Variants in PIWIL3 observed in about 807,000 individuals in gnomAD.
The protein encoded by PIWIL3 is piwi like RNA-mediated gene silencing 3.
PIWIL3 carries 101 observed loss-of-function variants against 109.7 expected under a neutral mutation model. The observed-to-expected ratio is 0.92, with a 90% CI of 0.78 to 1.09. The LOEUF (loss-of-function observed/expected upper bound fraction) is 1.09. Among genes scored for constraint, PIWIL3 ranks in the 50% least tolerant of loss-of-function variants. The pLI, the probability that PIWIL3 is intolerant of heterozygous loss-of-function variation, is 0.00. For synonymous variants in PIWIL3, 373 were observed against 376.4 expected (o/e 0.99, Z 0.10); for missense variants, 1,031 against 1,072.6 (o/e 0.96, Z 0.54).
intron 12 of PIWIL3, 129 bp downstream of exon 12, chr22:24,748,778 A>G: frequency 1.5e-6 from 1 of 673,246 alleles, no homozygotes; most frequent in Non-Finnish European, 2.5e-6. Flanking sequence ...TATTGGCTCA[A>G]TATAGAAAGA....
chr22:24,728,093 G>A (rs1264717775), intron 15 of PIWIL3, 40 bp from the exon 16 acceptor site: 1 of 1,607,614 alleles, frequency 6.2e-7, no homozygotes, highest in Non-Finnish European at 8.5e-7. Context: ...GTTAGAACGT[G>A]AGCAAAATTT....
At chr22:24,758,423 C>T (rs1342862438) in intron 3 of PIWIL3, among the ~76,000 whole-genome samples, 2 of 152,220 alleles carry the variant, frequency 1.3e-5, no homozygotes, top group Admixed American at 1.3e-4. Context: ...ATAAAACTGG[C>T]TTTTAATACA....
chr22:24,751,427 G>C lies in PIWIL3; in HGVS notation c.1049C>G (p.Ser350Ter). 1 of 1,613,962 alleles carries C rather than the reference G, an allele frequency of 6.2e-7. No homozygotes were observed. The highest frequency in any genetic ancestry group is 1.1e-5 in the South Asian group (1 of 91,062). ...KQNPEDTFNK[S>*]DGSKITYIDY... ...TATATAGGTGATTTTGCTGCCATCT[G>C]ATTTGTTAAATGTGTCTTCAGGATT... The change falls in exon 9 of 21, where the codon TCA (serine) becomes TGA (stop). Residue 350 changes from serine (S) to a stop codon, truncating the protein, a stop_gained. Coordinates refer to ENST00000616349, the MANE Select transcript of PIWIL3 (RefSeq NM_001255975.1). LOFTEE classifies it high-confidence loss of function.
At chr22:24,757,380 G>A (rs1425175742) in intron 4 of PIWIL3, among the ~76,000 whole-genome samples, 1 of 152,182 alleles carries the variant, frequency 6.6e-6, no homozygotes, top group Non-Finnish European at 1.5e-5. Flanking sequence ...GGGAGGCCCA[G>A]GTGGGAGGAT....
intron 1 of PIWIL3, among the ~76,000 whole-genome samples, chr22:24,773,907 G>A (rs918372605): frequency 7.2e-5 from 11 of 151,892 alleles, no homozygotes; most frequent in African/African-American, 2.7e-4. Context: ...TAGAGACGGG[G>A]TTTCACCATC....
At chr22:24,723,748 C>G (rs1174714283) in intron 18 of PIWIL3, among the ~76,000 whole-genome samples, 1 of 150,888 alleles carries the variant, frequency 6.6e-6, no homozygotes, top group Admixed American at 6.6e-5. Context: ...GATCTCGGCT[C>G]ACTGCAACCT....
In PIWIL3 at chr22:24,749,781, A is replaced by C. The variant is rs1260331820; in HGVS notation, c.1128T>G (p.Leu376=). The C allele has an allele frequency of 6.2e-7, 1 of 1,613,964 alleles. No homozygotes were observed. The highest frequency in any genetic ancestry group is 1.7e-5 in the Admixed American group (1 of 59,998). ...TTTTCCATCTGCCCTGGCTGACCAAAAGTGGCTGTTTCTTCACTGTGACAA... is the reference window on the plus strand; with the variant it reads ...TTTTCCATCTGCCCTGGCTGACCAACAGTGGCTGTTTCTTCACTGTGACAA... ...KEIVTVKKQP[L]LVSQGRWKKG... is the part of the protein sequence containing the mutation. The change falls in exon 10 of 21, where the codon CTT becomes CTG. Residue 376 remains leucine (L), a synonymous_variant. Transcript: ENST00000616349.
At chr22:24,768,342 C>T (rs1385654408) in intron 1 of PIWIL3, among the ~76,000 whole-genome samples, 12 of 151,904 alleles carry the variant, frequency 7.9e-5, no homozygotes. Context: ...GCAACCTCCA[C>T]CTCCCAAGTT....
At chr22:24,725,411 G>C in intron 17 of PIWIL3, 34 bp downstream of exon 17, 1 of 1,606,504 alleles carries the variant, frequency 6.2e-7, no homozygotes, top group South Asian at 1.1e-5. Context: ...TACTTGTATA[G>C]TGTCGGGTTC....
At position 24,719,592 on chromosome 22, in the gene PIWIL3, T is replaced by C; in HGVS notation, c.2506-4A>G. On this transcript the variant is annotated splice_polypyrimidine_tract_variant and splice_region_variant and intron_variant, in intron 20 of 20. Coordinates refer to ENST00000616349, the MANE Select transcript of PIWIL3 (RefSeq NM_001255975.1). ...GCGCTGGAACTCGGATGATGCCCTTTAGTAGGAAAAGAAAATACACAACTA... is the reference window on the plus strand; with the variant it reads ...GCGCTGGAACTCGGATGATGCCCTTCAGTAGGAAAAGAAAATACACAACTA... The C allele has an allele frequency of 1.9e-6, 3 of 1,577,684 alleles. No homozygotes were observed. The highest frequency in any genetic ancestry group is 2.6e-6 in the Non-Finnish European group (3 of 1,165,696).
chr22:24,721,076 TAC>T (rs1350591870), intron 19 of PIWIL3, among the ~76,000 whole-genome samples: 2 of 152,222 alleles, frequency 1.3e-5, no homozygotes, highest in Non-Finnish European at 2.9e-5. Flanking sequence ...CTTCCTGAAA[TAC>T]AGTCTTTTTG....
rs779637011 is a variant in PIWIL3, at chr22:24,749,699, T to C, written c.1210A>G (p.Met404Val). 25 of 1,614,060 alleles carry C rather than the reference T, an allele frequency of 1.5e-5. No homozygotes were observed. In the South Asian group the frequency reaches 2.7e-4, roughly 18 times the overall value. The change falls in exon 10 of 21, where the codon ATG (methionine) becomes GTG (valine). Residue 404 changes from methionine (M) to valine (V), a missense_variant. Transcript: ENST00000616349. ...GGCTGTAATCCATCAGTACCTGTCATGTGGCACAGCTGAGGAATCAGCAGG... is the reference window on the plus strand; with the variant it reads ...GGCTGTAATCCATCAGTACCTGTCACGTGGCACAGCTGAGGAATCAGCAGG... ...PILLIPQLCH[M>V]TGLTDEICKD...
chr22:24,722,246 C>A lies in PIWIL3; in HGVS notation c.2357+884G>T, dbSNP rs190897066. Among the ~76,000 whole-genome samples the A allele has an allele frequency of 4.3e-3, 658 of 152,222 alleles. 2 individuals are homozygous for A. The highest frequency in any genetic ancestry group is 7.0e-3 in the Non-Finnish European group (473 of 68,004). On this transcript the variant is annotated intron_variant, in intron 19 of 20. Coordinates refer to ENST00000616349, the MANE Select transcript of PIWIL3 (RefSeq NM_001255975.1). The stretch of plus-strand genomic sequence containing the variant: ...TACAGGTGCCCGCCACCATGCCCGG[C>A]TAATTTTTTGTATTTTTAGTGGAGA...
Position 24,724,928 on chromosome 22 carries a change from C to G in PIWIL3, c.2190G>C (p.Ala730=). The part of the protein sequence containing the change: ...GQLQALLDHE[A]KKMSTYLKTI... ...TTTTTAAGTAGGTCGACATCTTTTT[C>G]GCTTCATGGTCAAGCAATGCTTGAA... is the stretch of plus-strand genomic sequence containing the variant. The change falls in exon 18 of 21, where the codon GCG becomes GCC. Residue 730 remains alanine (A), a synonymous_variant. Transcript: ENST00000616349. 1 of 1,614,092 alleles carries G rather than the reference C, an allele frequency of 6.2e-7. No individual in the cohort carries two copies. Among genetic ancestry groups the G allele is most frequent in the Non-Finnish European group, 8.5e-7 (1 of 1,180,008 alleles).
At chr22:24,751,639 C>G in intron 8 of PIWIL3, 141 bp from the exon 9 acceptor site, 1 of 1,375,048 alleles carries the variant, frequency 7.3e-7, no homozygotes, top group Non-Finnish European at 9.6e-7. Context: ...TACTGTACAA[C>G]TCACCCATCT....
chr22:24,773,921 G>A (rs1289451289), intron 1 of PIWIL3, among the ~76,000 whole-genome samples: 9 of 151,898 alleles, frequency 5.9e-5, no homozygotes, highest in African/African-American at 1.9e-4. Context: ...CACCATCTTG[G>A]CCAGGCTGGT....
At chr22:24,721,087 T>G (rs999013324) in intron 19 of PIWIL3, among the ~76,000 whole-genome samples, 1 of 152,216 alleles carries the variant, frequency 6.6e-6, no homozygotes, top group African/African-American at 2.4e-5. Context: ...ACAGTCTTTT[T>G]GGGTAGCTCT....
intron 1 of PIWIL3, among the ~76,000 whole-genome samples, chr22:24,767,940 G>T (rs928868124): frequency 6.6e-6 from 1 of 152,138 alleles, no homozygotes; most frequent in Admixed American, 6.5e-5. Context: ...TCATCCCCAA[G>T]CTCACAGGCC....
chr22:24,754,499 G>A (rs560137354), intron 7 of PIWIL3, among the ~76,000 whole-genome samples: 1 of 152,272 alleles, frequency 6.6e-6, no homozygotes, highest in East Asian at 1.9e-4. Flanking sequence ...TAGTTGCTAT[G>A]ATTGAAGATA....
Sources: allele counts gnomAD v4.1 joint callset (sites outside exome capture counted in the v4.1 genomes callset), GRCh38; gene constraint gnomAD v4.1.1; transcripts MANE v1.5; gene names NCBI Gene and HGNC (gene_info 2026-07-23, HGNC 2026-07-21).